BCL2: variants seen among roughly 807,000 people sequenced by gnomAD.
The protein encoded by BCL2 is apoptosis regulator Bcl-2.
In BCL2, 1 loss-of-function variant was observed where a neutral mutation model predicts 14.2. The ratio of observed to expected loss-of-function variants is 0.07; its 90% confidence interval spans 0.02 to 0.33. BCL2 has a LOEUF of 0.33. Among genes scored for constraint, BCL2 ranks in the 10% least tolerant of loss-of-function variants. The pLI, the probability that BCL2 is intolerant of heterozygous loss-of-function variation, is 0.99. For synonymous variants in BCL2, 151 were observed against 137.2 expected (o/e 1.10, Z -0.70); for missense variants, 247 against 305.9 (o/e 0.81, Z 1.44).
chr18:63,223,177 G>A (rs1910449853), intron 2 of BCL2, among the ~76,000 whole-genome samples: 1 of 152,148 alleles, frequency 6.6e-6, no homozygotes, highest in East Asian at 1.9e-4. Flanking sequence ...CAACGTGGGC[G>A]GATCACGAGG....
intron 2 of BCL2, among the ~76,000 whole-genome samples, chr18:63,177,986 C>T (rs1915389606): frequency 6.6e-6 from 1 of 152,164 alleles, no homozygotes; most frequent in African/African-American, 2.4e-5. Flanking sequence ...TCCAAAAGGA[C>T]TGGTGCAGCC....
At chr18:63,177,830 A>C (rs1267179188) in intron 2 of BCL2, among the ~76,000 whole-genome samples, 1 of 152,268 alleles carries the variant, frequency 6.6e-6, no homozygotes, top group East Asian at 1.9e-4. Flanking sequence ...GCAGTCACTT[A>C]ATTCACTAGG....
At chr18:63,146,846 A>G (rs1022549112) in intron 2 of BCL2, among the ~76,000 whole-genome samples, 1 of 152,240 alleles carries the variant, frequency 6.6e-6, no homozygotes, top group African/African-American at 2.4e-5. Context: ...GATGGAATAT[A>G]GATTCAAACA....
intron 2 of BCL2, among the ~76,000 whole-genome samples, chr18:63,281,990 G>A (rs1912333826): frequency 6.6e-6 from 1 of 152,096 alleles, no homozygotes; most frequent in South Asian, 2.1e-4. Context: ...ACATAAATAC[G>A]CACAAGGATT....
intron 2 of BCL2, among the ~76,000 whole-genome samples, chr18:63,212,215 A>G (rs992798151): frequency 6.6e-6 from 1 of 151,110 alleles, no homozygotes; most frequent in Non-Finnish European, 1.5e-5. Flanking sequence ...AGTCCCAGCT[A>G]CTCGGGAGGC....
rs1568245954 is a variant in BCL2 at position 63,247,524 on chromosome 18, T to A, written c.585+70558A>T. ...CAATAGGATCTTGGTACTTCCTTTATCCTTGCAAGTCAACCTGCAAAGAAT... is the reference window on the plus strand; with the variant it reads ...CAATAGGATCTTGGTACTTCCTTTAACCTTGCAAGTCAACCTGCAAAGAAT... On this transcript the variant is annotated intron_variant, in intron 2 of 2. Transcript: ENST00000333681. Among the ~76,000 whole-genome samples the A allele has an allele frequency of 2.0e-5, 3 of 152,094 alleles. No homozygotes were observed. The South Asian group carries it at 6.2e-4, about 32-fold the overall frequency.
At chr18:63,252,096 AAT>A (rs1911336007) in intron 2 of BCL2, among the ~76,000 whole-genome samples, 1 of 152,216 alleles carries the variant, frequency 6.6e-6, no homozygotes, top group Non-Finnish European at 1.5e-5. Context: ...ACAAGGATAG[AAT>A]TATGTCTCTA....
chr18:63,294,830 T>G (rs1185069752), intron 2 of BCL2, among the ~76,000 whole-genome samples: 1 of 152,076 alleles, frequency 6.6e-6, no homozygotes, highest in Non-Finnish European at 1.5e-5. Context: ...AATTACTATC[T>G]GTGTAACACT....
At chr18:63,249,514 C>T (rs1281398319) in intron 2 of BCL2, among the ~76,000 whole-genome samples, 1 of 152,090 alleles carries the variant, frequency 6.6e-6, no homozygotes, top group Non-Finnish European at 1.5e-5. Context: ...CAAGACCAGC[C>T]TGGCCAACAT....
At chr18:63,228,034 A>G (rs1398959231) in intron 2 of BCL2, among the ~76,000 whole-genome samples, 1 of 152,232 alleles carries the variant, frequency 6.6e-6, no homozygotes, top group African/African-American at 2.4e-5. Context: ...TTTGGCCTAC[A>G]GATGGCCGCC....
At chr18:63,138,313 G>A (rs570469344) in intron 2 of BCL2, among the ~76,000 whole-genome samples, 2 of 152,154 alleles carry the variant, frequency 1.3e-5, no homozygotes, top group Non-Finnish European at 2.9e-5. Context: ...CCTTATCATC[G>A]GCTCGGCAGG....
At chr18:63,175,647 G>C (rs1915334131) in intron 2 of BCL2, among the ~76,000 whole-genome samples, 1 of 152,212 alleles carries the variant, frequency 6.6e-6, no homozygotes, top group African/African-American at 2.4e-5. Context: ...AAATGATAGA[G>C]AGGAGATTCA....
chr18:63,317,748 G>T, intron 2 of BCL2: 1 of 1,151,562 alleles, frequency 8.7e-7, no homozygotes, highest in Non-Finnish European at 1.1e-6. Flanking sequence ...CTCAAGCCAG[G>T]AAACGGTGGT....
At chr18:63,290,553 C>T (rs1268069423) in intron 2 of BCL2, among the ~76,000 whole-genome samples, 1 of 152,112 alleles carries the variant, frequency 6.6e-6, no homozygotes, top group East Asian at 1.9e-4. Flanking sequence ...AAAGAAAACA[C>T]CTTAACACTC....
chr18:63,246,714 T>A (rs1456111104), intron 2 of BCL2, among the ~76,000 whole-genome samples: 2 of 152,224 alleles, frequency 1.3e-5, no homozygotes, highest in Non-Finnish European at 2.9e-5. Context: ...CATTTTGTTG[T>A]CTGCCACGTT....
intron 2 of BCL2, among the ~76,000 whole-genome samples, chr18:63,158,723 T>C (rs1914845233): frequency 6.6e-6 from 1 of 152,230 alleles, no homozygotes; most frequent in Non-Finnish European, 1.5e-5. Context: ...TCATATATAA[T>C]GACACACAAA....
chr18:63,278,675 C>T (rs929141682), intron 2 of BCL2, among the ~76,000 whole-genome samples: 2 of 152,192 alleles, frequency 1.3e-5, no homozygotes, highest in African/African-American at 4.8e-5. Flanking sequence ...CTCCTCACCA[C>T]AGCAAGACCT....
At chr18:63,277,031 G>A (rs1022654601) in intron 2 of BCL2, among the ~76,000 whole-genome samples, 10 of 152,076 alleles carry the variant, frequency 6.6e-5, no homozygotes, top group African/African-American at 1.7e-4. Context: ...CTCATTTCCC[G>A]CCACTTTCCC....
At chr18:63,222,752 T>A (rs1324915908) in intron 2 of BCL2, among the ~76,000 whole-genome samples, 1 of 152,158 alleles carries the variant, frequency 6.6e-6, no homozygotes, top group African/African-American at 2.4e-5. Flanking sequence ...ACCTGAAACG[T>A]CACTGTAACG....
Sources: gnomAD v4.1 joint callset for allele counts (sites outside exome capture counted in the v4.1 genomes callset) on GRCh38, gnomAD v4.1.1 for gene constraint, MANE v1.5 for transcripts, NCBI Gene and HGNC (gene_info 2026-07-23, HGNC 2026-07-21) for gene names.